Variants in NR3C2 observed in about 807,000 individuals in gnomAD.
NR3C2 encodes the protein nuclear receptor subfamily 3 group C member 2.
In NR3C2, 15 loss-of-function variants were observed where a neutral mutation model predicts 86.4. The ratio of observed to expected loss-of-function variants is 0.17; its 90% confidence interval spans 0.12 to 0.27. The LOEUF is 0.27. Among genes scored for constraint, NR3C2 ranks in the 10% least tolerant of loss-of-function variants. NR3C2 has a pLI of 1.00. For missense variants in NR3C2, 960 were observed against 1,195.6 expected, an observed-to-expected ratio of 0.80 and a Z score of 2.91; for synonymous variants, 458 against 450.5, an observed-to-expected ratio of 1.02 and a Z score of -0.21.
At position 148,122,689 on chromosome 4, in the gene NR3C2, C is replaced by A. The variant is rs1035798860; in HGVS notation, c.2511-2401G>T. On this transcript the variant is annotated intron_variant, in intron 6 of 8. Transcript: ENST00000358102. ...ACTGGCTGGAGCCGTGGCAGAGGAA[C>A]ATAAATTGTGAAGATTTCATTTTAA... Among the ~76,000 whole-genome samples, 51 of 152,190 alleles carry A rather than the reference C, an allele frequency of 3.4e-4. 1 individual carries two copies. The highest frequency in any genetic ancestry group is 5.7e-4 in the Non-Finnish European group (39 of 68,042).
At chr4:148,225,029 T>C (rs966656206) in intron 3 of NR3C2, among the ~76,000 whole-genome samples, 3 of 152,210 alleles carry the variant, frequency 2.0e-5, no homozygotes, top group African/African-American at 7.2e-5. Context: ...TAAGGAATTA[T>C]AACTTCAGCG....
chr4:148,369,198 T>C (rs1746292491), intron 2 of NR3C2, among the ~76,000 whole-genome samples: 1 of 152,214 alleles, frequency 6.6e-6, no homozygotes, highest in Admixed American at 6.5e-5. Flanking sequence ...CCAGGGCAAA[T>C]ATCTAACTCA....
intron 4 of NR3C2, among the ~76,000 whole-genome samples, chr4:148,192,652 CT>C (rs1342882074): frequency 6.8e-6 from 1 of 147,682 alleles, no homozygotes; most frequent in Non-Finnish European, 1.5e-5. Context: ...GTGGGTCTTG[CT>C]GTGGCTGCTG....
At chr4:148,134,635 CTCTCTCTCTTTT>C (rs1733195799) in intron 6 of NR3C2, among the ~76,000 whole-genome samples, 1 of 67,652 alleles carries the variant, frequency 1.5e-5, no homozygotes, top group African/African-American at 4.8e-5. Flanking sequence ...TTCTCTCTCT[CTCTCTCTCTTTT>C]TTTTTTTTTT....
intron 4 of NR3C2, among the ~76,000 whole-genome samples, chr4:148,189,444 T>C (rs1159401455): frequency 2.0e-5 from 3 of 152,252 alleles, no homozygotes; most frequent in Non-Finnish European, 4.4e-5. Context: ...GGTTAGCTAG[T>C]ATTTTGTTAA....
intron 2 of NR3C2, among the ~76,000 whole-genome samples, chr4:148,348,270 T>G (rs537197623): frequency 5.3e-5 from 8 of 152,276 alleles, no homozygotes; most frequent in African/African-American, 1.9e-4. Context: ...ACAAACATGA[T>G]GTTACAATAT....
At position 148,192,256 on chromosome 4, in the gene NR3C2, C is replaced by T. The variant is rs77931014; in HGVS notation, c.2014+2490G>A. Among the ~76,000 whole-genome samples the T allele has an allele frequency of 5.3e-3, 800 of 152,258 alleles. 11 individuals carry two copies. The highest frequency in any genetic ancestry group is 0.018 in the African/African-American group (763 of 41,558). On this transcript the variant is annotated intron_variant, in intron 4 of 8. Coordinates refer to ENST00000358102, the MANE Select transcript of NR3C2 (RefSeq NM_000901.5). ...CCAAACTGCAGTGATTGTTGTCTCT[C>T]TTCTAGCCACCCAGCAAGTCTACCT...
Position 148,436,841 on chromosome 4 carries a change from T to G in NR3C2, c.20A>C (p.His7Pro), listed in dbSNP as rs750131564. Residue 7 changes from histidine (H) to proline (P), a missense_variant, in exon 2 of 9, where the codon CAC becomes CCC. Transcript: ENST00000358102. ...CATATCTAGACCTTCAGGGAGACTG[T>G]GGTAGCCTTTGGTCTCCATCGCTAA... is the stretch of plus-strand genomic sequence containing the variant. The part of the protein sequence containing the change: METKGY[H>P]SLPEGLDMER... The G allele has an allele frequency of 1.9e-6, 3 of 1,610,488 alleles. No individual in the cohort carries two copies. The Admixed American group carries it at 5.0e-5, about 27-fold the overall frequency.
upstream of NR3C2, chr4:148,444,457 G>A (rs779713679): frequency 1.0e-6 from 1 of 985,964 alleles, no homozygotes; most frequent in Non-Finnish European, 1.2e-6. Context: ...GCCTTGCCCG[G>A]GGCCGCCCCT....
intron 6 of NR3C2, among the ~76,000 whole-genome samples, chr4:148,142,980 C>T (rs1733684897): frequency 1.3e-5 from 2 of 152,192 alleles, no homozygotes; most frequent in Admixed American, 6.5e-5. Context: ...TGGGAAGCTT[C>T]CTGAGGCCTC....
At chr4:148,195,619 A>G (rs1335579450) in intron 3 of NR3C2, among the ~76,000 whole-genome samples, 1 of 152,206 alleles carries the variant, frequency 6.6e-6, no homozygotes, top group Non-Finnish European at 1.5e-5. Context: ...AGGGAGAAAA[A>G]TGAAGGGAAC....
intron 2 of NR3C2, among the ~76,000 whole-genome samples, chr4:148,406,205 T>C (rs181634107): frequency 1.8e-3 from 275 of 151,912 alleles, no homozygotes; most frequent in Non-Finnish European, 2.9e-3. Flanking sequence ...AACAAGAGGG[T>C]AACAGCACTG....
chr4:148,204,982 C>T (rs1485060309), intron 3 of NR3C2, among the ~76,000 whole-genome samples: 6 of 152,318 alleles, frequency 3.9e-5, no homozygotes, highest in Admixed American at 3.9e-4. Context: ...ACCAGCTAAT[C>T]CCTCAAGACC....
chr4:148,235,400 G>T (rs562838515), intron 3 of NR3C2, among the ~76,000 whole-genome samples: 42 of 151,872 alleles, frequency 2.8e-4, no homozygotes, highest in Non-Finnish European at 5.2e-4. Context: ...TAGAAGTGAG[G>T]TTATGGATAT....
At chr4:148,299,053 T>G (rs941967664) in intron 2 of NR3C2, among the ~76,000 whole-genome samples, 1 of 152,212 alleles carries the variant, frequency 6.6e-6, no homozygotes, top group African/African-American at 2.4e-5. Context: ...CAGTATTCAA[T>G]ACGTGAGGTG....
chr4:148,136,843 C>A (rs1733370334), intron 6 of NR3C2, among the ~76,000 whole-genome samples: 1 of 152,130 alleles, frequency 6.6e-6, no homozygotes, highest in African/African-American at 2.4e-5. Context: ...TTGTCTTCAC[C>A]TTGTTGGGCC....
chr4:148,394,231 A>G (rs1191336686), intron 2 of NR3C2, among the ~76,000 whole-genome samples: 1 of 152,138 alleles, frequency 6.6e-6, no homozygotes. Flanking sequence ...AAATCCAGAA[A>G]ACTGTCCAGC....
intron 2 of NR3C2, among the ~76,000 whole-genome samples, chr4:148,415,885 A>C (rs1748968519): frequency 6.6e-6 from 1 of 152,206 alleles, no homozygotes; most frequent in Non-Finnish European, 1.5e-5. Flanking sequence ...AAAATAAACA[A>C]AGCAAGTAAT....
At chr4:148,224,011 C>T (rs946885449) in intron 3 of NR3C2, among the ~76,000 whole-genome samples, 1 of 151,710 alleles carries the variant, frequency 6.6e-6, no homozygotes, top group Admixed American at 6.6e-5. Context: ...ATTTGGGAGA[C>T]ATTCACAAAC....
Sources: gnomAD v4.1 joint callset for allele counts (sites outside exome capture counted in the v4.1 genomes callset) on GRCh38, gnomAD v4.1.1 for gene constraint, MANE v1.5 for transcripts, NCBI Gene and HGNC (gene_info 2026-07-23, HGNC 2026-07-21) for gene names.